MALRD1: variants seen among roughly 807,000 people sequenced by gnomAD.
The protein encoded by MALRD1 is MAM and LDL receptor class A domain containing 1.
Under a neutral mutation model 242.1 loss-of-function variants are expected in MALRD1, and 247 were observed. The ratio of observed to expected loss-of-function variants is 1.02; its 90% CI spans 0.92 to 1.13. MALRD1 has a LOEUF of 1.13. MALRD1 is among the 50% of genes most tolerant of loss of function. MALRD1 has a pLI of 0.00. For synonymous variants in MALRD1, 995 were observed against 866.6 expected (o/e 1.15, Z -2.60); for missense variants, 2,989 against 2,533.1 (o/e 1.18, Z -3.86).
chr10:19,598,843 T>C (rs75519859), intron 34 of MALRD1, among the ~76,000 whole-genome samples: 9,078 of 152,048 alleles, frequency 0.06, 389 homozygotes, highest in Non-Finnish European at 0.095. Flanking sequence ...TTGAAGACAC[T>C]GAGAAGATGT....
intron 29 of MALRD1, among the ~76,000 whole-genome samples, chr10:19,474,610 T>G (rs1416678054): frequency 6.6e-6 from 1 of 152,100 alleles, no homozygotes; most frequent in African/African-American, 2.4e-5. Context: ...TTATCAATTT[T>G]AATAACATCT....
chr10:19,298,073 G>A (rs1841788409), intron 21 of MALRD1, among the ~76,000 whole-genome samples: 1 of 151,972 alleles, frequency 6.6e-6, no homozygotes, highest in African/African-American at 2.4e-5. Context: ...TTTAGCTCAT[G>A]GTCTGCAGAC....
chr10:19,370,234 G>T (rs1845316486), intron 26 of MALRD1, among the ~76,000 whole-genome samples: 1 of 151,978 alleles, frequency 6.6e-6, no homozygotes, highest in African/African-American at 2.4e-5. Flanking sequence ...TACCGATTTT[G>T]TGACCTATAT....
chr10:19,322,614 A>C (rs954447725), intron 21 of MALRD1, among the ~76,000 whole-genome samples: 2 of 152,156 alleles, frequency 1.3e-5, no homozygotes, highest in African/African-American at 4.8e-5. Context: ...CTAGTAAATG[A>C]GGAGGCCTGA....
intron 36 of MALRD1, among the ~76,000 whole-genome samples, chr10:19,664,825 C>A (rs1375778046): frequency 6.6e-6 from 1 of 151,876 alleles, no homozygotes; most frequent in Non-Finnish European, 1.5e-5. Flanking sequence ...AGTTTGTTAA[C>A]CATTGGAATG....
At chr10:19,595,676 A>T (rs1270446469) in intron 34 of MALRD1, among the ~76,000 whole-genome samples, 1 of 152,112 alleles carries the variant, frequency 6.6e-6, no homozygotes, top group Non-Finnish European at 1.5e-5. Context: ...TGTTAAACCT[A>T]TCTTTTTCCT....
intron 33 of MALRD1, among the ~76,000 whole-genome samples, chr10:19,571,316 G>A (rs1836529145): frequency 6.6e-6 from 1 of 151,908 alleles, no homozygotes; most frequent in Non-Finnish European, 1.5e-5. Flanking sequence ...TCTTCCAGTT[G>A]CCTTAACTTT....
At chr10:19,219,610 A>T (rs769939709) in intron 18 of MALRD1, among the ~76,000 whole-genome samples, 4 of 151,890 alleles carry the variant, frequency 2.6e-5, no homozygotes, top group Non-Finnish European at 5.9e-5. Flanking sequence ...TAATTTTTAA[A>T]TTTTTTTATA....
At chr10:19,246,351 A>G (rs546043209) in intron 18 of MALRD1, among the ~76,000 whole-genome samples, 1 of 152,272 alleles carries the variant, frequency 6.6e-6, no homozygotes, top group Non-Finnish European at 1.5e-5. Flanking sequence ...TTCTGGGGAT[A>G]CTGTCCAGGT....
At chr10:19,119,670 G>A (rs1836994022) in intron 5 of MALRD1, among the ~76,000 whole-genome samples, 1 of 152,154 alleles carries the variant, frequency 6.6e-6, no homozygotes, top group South Asian at 2.1e-4. Flanking sequence ...AGTTTAGGGA[G>A]GGTCAGAATC....
At chr10:19,564,206 A>G (rs1358694648) in intron 32 of MALRD1, among the ~76,000 whole-genome samples, 3 of 152,174 alleles carry the variant, frequency 2.0e-5, no homozygotes, top group Admixed American at 6.5e-5. Flanking sequence ...TTACCTCTTC[A>G]TATCTGTTGT....
intron 12 of MALRD1, among the ~76,000 whole-genome samples, chr10:19,155,881 A>T (rs1158971752): frequency 1.3e-5 from 2 of 152,230 alleles, no homozygotes; most frequent in Non-Finnish European, 2.9e-5. Flanking sequence ...CAATGTTTGT[A>T]TCAAACATTG....
intron 36 of MALRD1, among the ~76,000 whole-genome samples, chr10:19,647,825 A>C (rs879098293): frequency 6.6e-6 from 1 of 152,202 alleles, no homozygotes; most frequent in African/African-American, 2.4e-5. Context: ...TGTTTTCAAC[A>C]ACCATAAAAC....
chr10:19,444,584 T>A (rs1006798034), intron 28 of MALRD1, among the ~76,000 whole-genome samples: 1 of 152,194 alleles, frequency 6.6e-6, no homozygotes, highest in Admixed American at 6.5e-5. Context: ...TTTGGCTGGA[T>A]ATGAAATTCT....
At chr10:19,478,409 A>C (rs1836839422) in intron 29 of MALRD1, among the ~76,000 whole-genome samples, 1 of 152,178 alleles carries the variant, frequency 6.6e-6, no homozygotes, top group Non-Finnish European at 1.5e-5. Context: ...AGCTAGGAGC[A>C]ATCTGTGCAC....
At chr10:19,435,651 G>A (rs1041780697) in intron 28 of MALRD1, among the ~76,000 whole-genome samples, 2 of 152,222 alleles carry the variant, frequency 1.3e-5, no homozygotes, top group Non-Finnish European at 2.9e-5. Context: ...TCAAGAGTCC[G>A]TAGTATCAAA....
chr10:19,656,650 C>A (rs1841164496), intron 36 of MALRD1, among the ~76,000 whole-genome samples: 1 of 152,022 alleles, frequency 6.6e-6, no homozygotes, highest in Non-Finnish European at 1.5e-5. Flanking sequence ...TGTAATCTTG[C>A]AAAAACTTTC....
intron 36 of MALRD1, among the ~76,000 whole-genome samples, chr10:19,673,028 A>G (rs1206025361): frequency 6.6e-6 from 1 of 152,094 alleles, no homozygotes; most frequent in East Asian, 1.9e-4. Context: ...AACTTAGGAC[A>G]TTCGATTTTC....
At chr10:19,400,597 C>A (rs761335829) in intron 28 of MALRD1, among the ~76,000 whole-genome samples, 35 of 152,002 alleles carry the variant, frequency 2.3e-4, no homozygotes, top group Non-Finnish European at 4.7e-4. Flanking sequence ...ACATAAATGC[C>A]AACTCTACAG....
Sources: gnomAD v4.1 joint callset for allele counts (sites outside exome capture counted in the v4.1 genomes callset) on GRCh38, gnomAD v4.1.1 for gene constraint, MANE v1.5 for transcripts, NCBI Gene and HGNC (gene_info 2026-07-23, HGNC 2026-07-21) for gene names.